Variants in MAPK8 observed in about 807,000 individuals in gnomAD.
MAPK8 encodes the protein mitogen-activated protein kinase 8, also known as JUN N-terminal kinase.
Under a neutral mutation model 52.9 loss-of-function variants are expected in MAPK8, and 13 were observed. The ratio of observed to expected loss-of-function variants is 0.25; its 90% confidence interval spans 0.16 to 0.39. The LOEUF (loss-of-function observed/expected upper bound fraction) is 0.39. Ranked by LOEUF, MAPK8 falls within the 10% of genes least tolerant of loss-of-function variation. MAPK8 has a pLI of 1.00. For missense variants in MAPK8, 300 were observed against 519.2 expected, an observed-to-expected ratio of 0.58 and a Z score of 4.10; for synonymous variants, 191 against 169.8, an observed-to-expected ratio of 1.12 and a Z score of -0.97.
chr10:48,362,323 A>G lies in MAPK8; in HGVS notation c.-49-39289A>G, dbSNP rs138537112. Reference sequence around the variant, plus strand: ...TTTTCAGGCCAGATTCTTAGCCTCAAAGATATCTGTAGCATTTCATTTGTA... The same window carrying G: ...TTTTCAGGCCAGATTCTTAGCCTCAGAGATATCTGTAGCATTTCATTTGTA... On this transcript the variant is annotated intron_variant, in intron 1 of 11. Transcript: ENST00000374189. Among the ~76,000 whole-genome samples the G allele has an allele frequency of 6.9e-3, 1,046 of 152,216 alleles. 15 individuals carry two copies. The highest frequency in any genetic ancestry group is 0.024 in the African/African-American group (983 of 41,536).
intron 1 of MAPK8, among the ~76,000 whole-genome samples, chr10:48,308,516 A>G (rs1238371141): frequency 2.0e-5 from 3 of 152,090 alleles, no homozygotes; most frequent in Non-Finnish European, 4.4e-5. Context: ...ATCTTGTCTA[A>G]ATATTTTTTT....
chr10:48,310,407 A>G (rs1175080857), intron 1 of MAPK8, among the ~76,000 whole-genome samples: 1 of 152,170 alleles, frequency 6.6e-6, no homozygotes, highest in Non-Finnish European at 1.5e-5. Context: ...AAAATTGTTG[A>G]GTTGAATTTT....
intron 1 of MAPK8, among the ~76,000 whole-genome samples, chr10:48,338,157 CAG>C (rs112707777): frequency 0.11 from 16,010 of 151,824 alleles, 1,124 homozygotes; most frequent in Admixed American, 0.25. Flanking sequence ...AAAAGAAAAA[CAG>C]AAATGCAGGC....
chr10:48,429,332 T>A (rs1190918162), intron 10 of MAPK8, among the ~76,000 whole-genome samples: 1 of 152,206 alleles, frequency 6.6e-6, no homozygotes, highest in South Asian at 2.1e-4. Context: ...TGAGATACAG[T>A]GTTTTCATTT....
At chr10:48,425,293 C>CCTG in intron 7 of MAPK8, 2 of 620,250 alleles carry the variant, frequency 3.2e-6, no homozygotes, top group South Asian at 2.1e-5. Flanking sequence ...AAATCCTAAC[C>CCTG]TTACAACTTA....
At chr10:48,393,521 G>A (rs894425067) in intron 1 of MAPK8, among the ~76,000 whole-genome samples, 5 of 151,934 alleles carry the variant, frequency 3.3e-5, no homozygotes, top group African/African-American at 9.7e-5. Context: ...TGTGAATATG[G>A]GATGTAATAC....
intron 1 of MAPK8, among the ~76,000 whole-genome samples, chr10:48,376,502 T>TCCAG (rs1241880347): frequency 2.0e-5 from 3 of 152,068 alleles, no homozygotes; most frequent in Non-Finnish European, 4.4e-5. Flanking sequence ...AGCGCTAATA[T>TCCAG]CCAGAATCTA....
chr10:48,413,814 G>GC (rs2042891008), intron 5 of MAPK8, among the ~76,000 whole-genome samples: 1 of 31,140 alleles, frequency 3.2e-5, no homozygotes, highest in African/African-American at 1.2e-4. Context: ...TGCCAGAATT[G>GC]TTATATATAT....
intron 1 of MAPK8, among the ~76,000 whole-genome samples, chr10:48,322,673 T>A (rs1434273749): frequency 6.6e-6 from 1 of 152,124 alleles, no homozygotes; most frequent in Admixed American, 6.5e-5. Flanking sequence ...AACTCCAATA[T>A]TTAATCCTCT....
At chr10:48,362,981 C>T (rs1015009223) in intron 1 of MAPK8, among the ~76,000 whole-genome samples, 2 of 152,020 alleles carry the variant, frequency 1.3e-5, no homozygotes, top group Non-Finnish European at 2.9e-5. Context: ...CTTCATGATC[C>T]GCCCACTTCG....
In MAPK8 at chr10:48,401,606, T is replaced by A. The variant is rs766573765; in HGVS notation, c.-49-6T>A. ...TGTTAACATCATGTTTTGTTGCATC[T>A]TGCAGCTTCTTGGTGAATTTTTGGA... On this transcript the variant is annotated splice_region_variant and splice_polypyrimidine_tract_variant and intron_variant, in intron 1 of 11. Transcript: ENST00000374189. 7.3e-5 allele frequency: 116 copies of A among 1,592,778 alleles called. No individual in the cohort carries two copies. Among genetic ancestry groups the A allele is most frequent in the Non-Finnish European group, 9.5e-5 (111 of 1,169,732 alleles).
At chr10:48,350,480 A>G (rs769541535) in intron 1 of MAPK8, among the ~76,000 whole-genome samples, 23 of 152,244 alleles carry the variant, frequency 1.5e-4, no homozygotes, top group Non-Finnish European at 3.1e-4. Context: ...AAATCAATAA[A>G]CATAATCCAT....
chr10:48,377,169 G>A (rs2040717493), intron 1 of MAPK8, among the ~76,000 whole-genome samples: 1 of 152,046 alleles, frequency 6.6e-6, no homozygotes, highest in Admixed American at 6.6e-5. Flanking sequence ...TGAACAATGG[G>A]AACACATGGA....
At position 48,401,676 on chromosome 10, in the gene MAPK8, C is replaced by A. The variant is rs773780784; in HGVS notation, c.16C>A (p.Arg6Ser). 13 of 1,608,690 alleles carry A rather than the reference C, an allele frequency of 8.1e-6. No homozygotes were observed. The East Asian group carries it at 2.7e-4, about 34-fold the overall frequency. MSRSK[R>S]DNNFYSVEIG... is the part of the protein sequence containing the mutation. ...GCTTGCCATCATGAGCAGAAGCAAGCGTGACAACAATTTTTATAGTGTAGA... is the reference window on the plus strand; with the variant it reads ...GCTTGCCATCATGAGCAGAAGCAAGAGTGACAACAATTTTTATAGTGTAGA... Residue 6 changes from arginine to serine, a missense_variant, in exon 2 of 12, where the codon CGT becomes AGT. Coordinates refer to ENST00000374189, the MANE Select transcript of MAPK8 (RefSeq NM_001323329.2).
Position 48,435,063 on chromosome 10 carries a change from G to T in MAPK8, c.*34G>T. 7.0e-7 allele frequency: 1 copy of T among 1,425,548 alleles called. No individual in the cohort carries two copies. 88.3% of individuals were successfully genotyped at this position (1,425,548 alleles called of 1,614,324 possible). A position where few individuals can be genotyped will look rare whatever the true frequency, so the allele number is the denominator to read the frequency against. On this transcript the variant is annotated 3_prime_UTR_variant, in exon 12 of 12. Coordinates refer to ENST00000374189, the MANE Select transcript of MAPK8 (RefSeq NM_001323329.2). Reference sequence around the variant, plus strand: ...GCCATCGGGGGGTGGGAGGGATGGGGAGTCGGTTAGTCATTGATAGAACTA... The same window carrying T: ...GCCATCGGGGGGTGGGAGGGATGGGTAGTCGGTTAGTCATTGATAGAACTA...
rs1185060999 is a variant in MAPK8, at chr10:48,436,610, A to G, written c.*1581A>G. 1.3e-5 allele frequency: 2 copies of G among 152,222 alleles called. No individual in the cohort carries two copies. Among genetic ancestry groups the G allele is most frequent in the African/African-American group, 4.8e-5 (2 of 41,468 alleles). 9.4% of individuals were successfully genotyped at this position (152,222 alleles called of 1,614,324 possible). On this transcript the variant is annotated 3_prime_UTR_variant, in exon 12 of 12. Coordinates refer to ENST00000374189, the MANE Select transcript of MAPK8 (RefSeq NM_001323329.2). ...AAGAACAGGTGCGGCTCAACATGCA[A>G]TGTCTGAAAATTTGCTTGGCATTTT...
intron 1 of MAPK8, among the ~76,000 whole-genome samples, chr10:48,369,402 G>A (rs1848350152): frequency 1.3e-5 from 2 of 152,156 alleles, no homozygotes; most frequent in South Asian, 4.1e-4. Flanking sequence ...TCCCTGAGCT[G>A]AAGTAGCATC....
At chr10:48,354,598 C>T (rs1846667291) in intron 1 of MAPK8, among the ~76,000 whole-genome samples, 1 of 152,126 alleles carries the variant, frequency 6.6e-6, no homozygotes, top group Non-Finnish European at 1.5e-5. Flanking sequence ...TGGGGTGAGA[C>T]TTTTAAAATT....
chr10:48,310,805 T>A (rs781516264), intron 1 of MAPK8, among the ~76,000 whole-genome samples: 2 of 152,046 alleles, frequency 1.3e-5, no homozygotes, highest in Non-Finnish European at 2.9e-5. Flanking sequence ...GACCCCTTTT[T>A]GGAAAACTTA....
Sources: gnomAD v4.1 joint callset for allele counts (sites outside exome capture counted in the v4.1 genomes callset) on GRCh38, gnomAD v4.1.1 for gene constraint, MANE v1.5 for transcripts, NCBI Gene and HGNC (gene_info 2026-07-23, HGNC 2026-07-21) for gene names.